The following VPS37B variants were observed in gnomAD, a reference collection of about 807,000 sequenced individuals.
VPS37B encodes vacuolar protein sorting-associated protein 37B.
Under a neutral mutation model 21.2 loss-of-function variants are expected in VPS37B, and 11 were observed. The ratio of observed to expected loss-of-function variants is 0.52; its 90% CI spans 0.33 to 0.86. VPS37B has a LOEUF of 0.86. VPS37B is among the 40% of genes least tolerant of loss of function. The probability of loss-of-function intolerance (pLI) is 0.03; values close to 1 mark genes in which losing one functional copy is unlikely to be tolerated. For synonymous variants in VPS37B, 175 were observed against 159.6 expected, an observed-to-expected ratio of 1.10 and a Z score of -0.73; for missense variants, 389 against 374.8, an observed-to-expected ratio of 1.04 and a Z score of -0.31.
intron 1 of VPS37B, chr12:122,872,830 T>C (rs1057446807): frequency 2.8e-6 from 1 of 351,476 alleles, no homozygotes; most frequent in African/African-American, 2.2e-5. Context: ...TGCTCAGGAC[T>C]GTTGAGAGCA....
At chr12:122,871,674 G>C in intron 1 of VPS37B, 1 of 985,618 alleles carries the variant, frequency 1.0e-6, no homozygotes, top group South Asian at 4.7e-5. Flanking sequence ...AAAGCTGGGG[G>C]AAGAGGGGGG....
intron 1 of VPS37B, chr12:122,880,135 A>C (rs1218227712): frequency 6.6e-6 from 1 of 152,198 alleles, no homozygotes; most frequent in African/African-American, 2.4e-5. Context: ...TTGGGGCCTC[A>C]GGACACTATC....
intron 1 of VPS37B, chr12:122,873,427 C>T (rs1270521271): frequency 6.6e-6 from 1 of 152,234 alleles, no homozygotes; most frequent in Non-Finnish European, 1.5e-5. Context: ...CAGAGACAGG[C>T]CTCGCGCTCC....
intron 1 of VPS37B, chr12:122,888,063 A>G (rs1453572989): frequency 6.3e-6 from 1 of 159,184 alleles, no homozygotes; most frequent in East Asian, 1.8e-4. Flanking sequence ...TGGGCTGCAG[A>G]TGTAACCTCG....
At chr12:122,874,421 C>T (rs1477260263) in intron 1 of VPS37B, 2 of 152,198 alleles carry the variant, frequency 1.3e-5, no homozygotes, top group African/African-American at 4.8e-5. Flanking sequence ...ACTTTTGCTC[C>T]AGTTTCACCA....
Position 122,865,762 on chromosome 12 carries a change from CCCGA to C in VPS37B, c.*1350_*1353del, listed in dbSNP as rs1273790115. On this transcript the variant is annotated 3_prime_UTR_variant, in exon 4 of 4. Transcript: ENST00000267202. ...TAGGCACAGGTCGGGGCCCTGGATG[CCCGA>C]CAAGTGACAGGGGAGGGGCGGGCCA... The C allele has an allele frequency of 2.0e-5, 3 of 152,286 alleles. No homozygotes were observed. Among genetic ancestry groups the C allele is most frequent in the Non-Finnish European group, 4.4e-5 (3 of 68,078 alleles). 9.4% of individuals were successfully genotyped at this position (152,286 alleles called of 1,614,324 possible).
intron 1 of VPS37B, 23 bp downstream of exon 1, chr12:122,895,929 G>A (rs2034485853): frequency 3.7e-6 from 6 of 1,606,412 alleles, no homozygotes; most frequent in Admixed American, 1.7e-5. Context: ...CACAGCCGCC[G>A]CCTTAAGCCC....
At chr12:122,888,072 C>T (rs1030086628) in intron 1 of VPS37B, 2 of 159,362 alleles carry the variant, frequency 1.3e-5, no homozygotes, top group East Asian at 1.8e-4. Flanking sequence ...GATGTAACCT[C>T]GAGGTGCCAT....
intron 1 of VPS37B, chr12:122,887,557 C>G (rs1427571253): frequency 6.6e-6 from 1 of 152,248 alleles, no homozygotes; most frequent in Non-Finnish European, 1.5e-5. Context: ...CTGGCTAACT[C>G]TTAACTCATT....
intron 1 of VPS37B, chr12:122,874,084 C>T (rs896720476): frequency 6.6e-6 from 1 of 152,252 alleles, no homozygotes; most frequent in Non-Finnish European, 1.5e-5. Context: ...GAGGGTGTCA[C>T]GCTGGACCTT....
chr12:122,866,850 A>G lies in VPS37B; in HGVS notation c.*266T>C. On this transcript the variant is annotated 3_prime_UTR_variant, in exon 4 of 4. Coordinates refer to ENST00000267202, the MANE Select transcript of VPS37B (RefSeq NM_024667.3). The stretch of plus-strand genomic sequence containing the variant: ...TTTCTTCCCAAACATGAGTTCATCA[A>G]CGCTAAGATACTTAGAAATCACACG... 1 of 398,164 alleles carries G rather than the reference A, an allele frequency of 2.5e-6. No homozygotes were observed. Among genetic ancestry groups the G allele is most frequent in the Non-Finnish European group, 4.4e-6 (1 of 225,716 alleles). The allele number at this position is 398,164 out of a possible 1,614,324, so 24.7% of individuals were successfully genotyped here.
rs558302816 is a variant in VPS37B, at chr12:122,895,061, C to G, written c.111+891G>C. 6.6e-4 allele frequency among the ~76,000 whole-genome samples: 100 copies of G among 152,182 alleles called. 2 individuals carry two copies. Among genetic ancestry groups the G allele is most frequent in the African/African-American group, 2.2e-3 (90 of 41,514 alleles). On this transcript the variant is annotated intron_variant, in intron 1 of 3. Coordinates refer to ENST00000267202, the MANE Select transcript of VPS37B (RefSeq NM_024667.3). Reference sequence around the variant, plus strand: ...ACCCTTAGGCCCATCCACGAACTCCCGTAACTCTGCTGGGGCCACTTCAAA... The same window carrying G: ...ACCCTTAGGCCCATCCACGAACTCCGGTAACTCTGCTGGGGCCACTTCAAA...
rs2033911998 is a variant in VPS37B, at chr12:122,866,955, C to T, written c.*161G>A. Reference sequence around the variant, plus strand: ...ACTGCCTTGATGCCCAAAGCCTGGGCTCCTACTACTCACCACTGACCTACA... The same window carrying T: ...ACTGCCTTGATGCCCAAAGCCTGGGTTCCTACTACTCACCACTGACCTACA... On this transcript the variant is annotated 3_prime_UTR_variant, in exon 4 of 4. Transcript: ENST00000267202. 1 of 868,288 alleles carries T rather than the reference C, an allele frequency of 1.2e-6. No homozygotes were observed. Among genetic ancestry groups the T allele is most frequent in the Non-Finnish European group, 1.6e-6 (1 of 621,358 alleles). The allele number at this position is 868,288 out of a possible 1,614,324, so 53.8% of individuals were successfully genotyped here.
intron 1 of VPS37B, chr12:122,871,419 T>A: frequency 9.9e-7 from 1 of 1,007,430 alleles, no homozygotes; most frequent in Non-Finnish European, 1.2e-6. Flanking sequence ...AGAATCTGAT[T>A]TTTTTCAAAA....
At chr12:122,872,075 A>AC (rs2034049852) in intron 1 of VPS37B, 1 of 984,802 alleles carries the variant, frequency 1.0e-6, no homozygotes, top group Non-Finnish European at 1.2e-6. Context: ...CTACCACCCC[A>AC]CCCAGGCTAT....
intron 2 of VPS37B, among the ~76,000 whole-genome samples, chr12:122,869,608 G>T (rs1175872691): frequency 6.6e-6 from 1 of 152,208 alleles, no homozygotes; most frequent in Non-Finnish European, 1.5e-5. Context: ...TGCAGAAGGT[G>T]ATCTTTAACC....
chr12:122,896,083 C>T lies in VPS37B; in HGVS notation c.-21G>A. The T allele has an allele frequency of 6.4e-7, 1 of 1,552,832 alleles. No individual in the cohort carries two copies. Among genetic ancestry groups the T allele is most frequent in the Non-Finnish European group, 8.6e-7 (1 of 1,157,884 alleles). ...GCCATCCCCACGTCTCGGCCGTCGT[C>T]GCCACCGCCGCTGCGGCCACCAGGC... On this transcript the variant is annotated 5_prime_UTR_variant, in exon 1 of 4. Coordinates refer to ENST00000267202, the MANE Select transcript of VPS37B (RefSeq NM_024667.3).
Position 122,865,945 on chromosome 12 carries a change from C to G in VPS37B, c.*1171G>C, listed in dbSNP as rs760137696. 6.6e-6 allele frequency: 1 copy of G among 152,462 alleles called. No individual in the cohort carries two copies. The highest frequency in any genetic ancestry group is 1.5e-5 in the Non-Finnish European group (1 of 68,134). 9.4% of individuals were successfully genotyped at this position (152,462 alleles called of 1,614,324 possible). ...CAGACGGTTGGAGTGCAGCCCCGTC[C>G]CTCAATCCCATGGGGCGGGCTTTCG... On this transcript the variant is annotated 3_prime_UTR_variant, in exon 4 of 4. Transcript: ENST00000267202.
intron 2 of VPS37B, 183 bp downstream of exon 2, chr12:122,870,707 C>T: frequency 1.6e-6 from 1 of 610,552 alleles, no homozygotes; most frequent in Non-Finnish European, 2.6e-6. Flanking sequence ...TCCAGTCTGA[C>T]AGAGCAAGAC....
Sources: gnomAD v4.1 joint callset for allele counts (sites outside exome capture counted in the v4.1 genomes callset) on GRCh38, gnomAD v4.1.1 for gene constraint, MANE v1.5 for transcripts, NCBI Gene and HGNC (gene_info 2026-07-23, HGNC 2026-07-21) for gene names.